Variants in MACROD2 observed in about 807,000 individuals in gnomAD.
MACROD2 encodes mono-ADP ribosylhydrolase 2, also known as ADP-ribose glycohydrolase MACROD2.
Under a neutral mutation model 70.4 loss-of-function variants are expected in MACROD2, and 36 were observed. The ratio of observed to expected loss-of-function variants is 0.51; its 90% CI spans 0.39 to 0.68. The LOEUF (loss-of-function observed/expected upper bound fraction) is 0.68, where lower values mean the gene tolerates loss of function less well. Ranked by LOEUF, MACROD2 falls within the 30% of genes least tolerant of loss-of-function variation. The pLI is 0.00. For synonymous variants in MACROD2, 172 were observed against 178.8 expected (o/e 0.96, Z 0.30); for missense variants, 496 against 538.4 (o/e 0.92, Z 0.78).
At chr20:14,407,476 A>G (rs1293949954) in intron 3 of MACROD2, among the ~76,000 whole-genome samples, 1 of 152,034 alleles carries the variant, frequency 6.6e-6, no homozygotes. Flanking sequence ...GTGTGGTCTG[A>G]CTGCTAACAT....
intron 5 of MACROD2, among the ~76,000 whole-genome samples, chr20:14,926,425 C>T (rs1333478189): frequency 6.6e-6 from 1 of 151,880 alleles, no homozygotes; most frequent in Non-Finnish European, 1.5e-5. Context: ...TGGTGCGTGC[C>T]TGTAGTCCCA....
Position 15,933,291 on chromosome 20 carries a change from A to C in MACROD2, c.791A>C (p.Glu264Ala), listed in dbSNP as rs771091108. 3.1e-6 allele frequency: 5 copies of C among 1,613,390 alleles called. No individual in the cohort carries two copies. In the South Asian group the frequency reaches 5.5e-5, roughly 18 times the overall value. ...MKEDSDENGPEEKQSVEEMEE... is the reference protein window; with the variant it reads ...MKEDSDENGPAEKQSVEEMEE... ...TTCTTGAAAGATGAGAACGGTCCAGAGGAGAAGCAAAGTGTGGAAGAAATG... is the reference window on the plus strand; with the variant it reads ...TTCTTGAAAGATGAGAACGGTCCAGCGGAGAAGCAAAGTGTGGAAGAAATG... Residue 264 changes from glutamate (E) to alanine (A), a missense_variant, in exon 11 of 18, where the codon GAG becomes GCG. By Grantham distance (107) the Glu-to-Ala change is moderately radical (BLOSUM62 -1). Transcript: ENST00000684519.
intron 5 of MACROD2, among the ~76,000 whole-genome samples, chr20:14,837,962 AAACAAAAC>A (rs953304691): frequency 2.0e-5 from 3 of 151,806 alleles, no homozygotes; most frequent in African/African-American, 7.3e-5. Flanking sequence ...AAACAAAACA[AAACAAAAC>A]AAACACATGG....
At chr20:15,164,098 C>G (rs936065166) in intron 5 of MACROD2, among the ~76,000 whole-genome samples, 1 of 152,094 alleles carries the variant, frequency 6.6e-6, no homozygotes, top group Admixed American at 6.6e-5. Flanking sequence ...AAATTTAATA[C>G]TCAAAGGACA....
chr20:15,830,253 C>T (rs1215348494), intron 8 of MACROD2, among the ~76,000 whole-genome samples: 3 of 152,150 alleles, frequency 2.0e-5, no homozygotes, highest in Non-Finnish European at 2.9e-5. Flanking sequence ...GGAAATAGAG[C>T]AAGAAGAGGC....
chr20:14,326,773 G>A lies in MACROD2; in HGVS notation c.272-166706G>A. 6.2e-7 allele frequency: 1 copy of A among 1,613,776 alleles called. No homozygotes were observed. Among genetic ancestry groups the A allele is most frequent in the Non-Finnish European group, 8.5e-7 (1 of 1,179,802 alleles). On this transcript the variant is annotated intron_variant, in intron 3 of 17. Transcript: ENST00000684519. This position sits in a 1 kb window ranked among gnomAD's most constrained non-coding sequence, Gnocchi z 5.5. ...ATAAAGCTTCCTCAGGTTTGTGCCT[G>A]GAAGGTTTACTGGTGCAGCAGTCAG...
chr20:14,089,036 A>G (rs1283689875), intron 3 of MACROD2, among the ~76,000 whole-genome samples: 1 of 152,224 alleles, frequency 6.6e-6, no homozygotes, highest in East Asian at 1.9e-4. Context: ...GCCTAAATGT[A>G]TAATTTTTCA....
chr20:14,571,846 G>A (rs1483870939), intron 4 of MACROD2, among the ~76,000 whole-genome samples: 1 of 152,066 alleles, frequency 6.6e-6, no homozygotes, highest in Admixed American at 6.6e-5. Context: ...CAATCTCTTA[G>A]AAACTTAGCT....
At chr20:16,017,595 C>A (rs985631538) in intron 15 of MACROD2, among the ~76,000 whole-genome samples, 13 of 152,238 alleles carry the variant, frequency 8.5e-5, no homozygotes, top group African/African-American at 2.9e-4. Context: ...TCTCCACTCT[C>A]CAATCACAAT....
chr20:16,003,959 G>A (rs953821640), intron 15 of MACROD2, among the ~76,000 whole-genome samples: 4 of 152,266 alleles, frequency 2.6e-5, no homozygotes, highest in East Asian at 1.9e-4. Flanking sequence ...TTGAGCCACC[G>A]TGCCCGGCCA....
At chr20:15,161,455 C>T (rs1207034834) in intron 5 of MACROD2, among the ~76,000 whole-genome samples, 1 of 151,280 alleles carries the variant, frequency 6.6e-6, no homozygotes, top group Non-Finnish European at 1.5e-5. Context: ...ACTATTAACT[C>T]TAGTTAAAAT....
At chr20:14,286,723 G>A (rs1457539309) in intron 3 of MACROD2, among the ~76,000 whole-genome samples, 1 of 151,940 alleles carries the variant, frequency 6.6e-6, no homozygotes, top group Non-Finnish European at 1.5e-5. Context: ...AATAGCTCAG[G>A]TTTTGTATGG....
At chr20:14,688,191 C>T (rs2071024224) in intron 5 of MACROD2, among the ~76,000 whole-genome samples, 1 of 152,118 alleles carries the variant, frequency 6.6e-6, no homozygotes, top group Non-Finnish European at 1.5e-5. Flanking sequence ...TCCTCTGAGA[C>T]AGCGGGTTTA....
Position 14,793,671 on chromosome 20 carries a change from C to T in MACROD2, c.418+108712C>T, listed in dbSNP as rs529471999. ...ACAAATTAAAAGACATTCGCGTTATCAGATTCCAAAAGCTCGAAGAAAAGA... is the reference window on the plus strand; with the variant it reads ...ACAAATTAAAAGACATTCGCGTTATTAGATTCCAAAAGCTCGAAGAAAAGA... On this transcript the variant is annotated intron_variant, in intron 5 of 17. Transcript: ENST00000684519. Among the ~76,000 whole-genome samples, 5 of 152,130 alleles carry T rather than the reference C, an allele frequency of 3.3e-5. No homozygotes were observed. The South Asian group carries it at 1.0e-3, about 32-fold the overall frequency.
intron 3 of MACROD2, among the ~76,000 whole-genome samples, chr20:14,120,307 C>A (rs1440711099): frequency 6.7e-6 from 1 of 148,980 alleles, no homozygotes; most frequent in African/African-American, 2.5e-5. Context: ...AAATGCACAA[C>A]AAAACCACAC....
intron 5 of MACROD2, among the ~76,000 whole-genome samples, chr20:15,165,718 A>G (rs1833098853): frequency 6.6e-6 from 1 of 152,236 alleles, no homozygotes; most frequent in African/African-American, 2.4e-5. Context: ...CACGTTTCCA[A>G]ACTTATGTTA....
Position 14,963,215 on chromosome 20 carries a change from C to T in MACROD2, c.419-266725C>T, listed in dbSNP as rs192934023. Among the ~76,000 whole-genome samples, 20 of 152,098 alleles carry T rather than the reference C, an allele frequency of 1.3e-4. 1 individual carries two copies. The East Asian group carries it at 3.9e-3, about 29-fold the overall frequency. ...GAGTACCGTAGTAGTACAGCAGCAT[C>T]CAAGTTTAAATTTGAGGGTGGGTGT... On this transcript the variant is annotated intron_variant, in intron 5 of 17. Coordinates refer to ENST00000684519, the MANE Select transcript of MACROD2 (RefSeq NM_001351661.2).
intron 3 of MACROD2, among the ~76,000 whole-genome samples, chr20:14,196,337 T>C (rs922733208): frequency 6.6e-6 from 1 of 152,272 alleles, no homozygotes; most frequent in Non-Finnish European, 1.5e-5. Flanking sequence ...TATCACAGTG[T>C]ACTGACATGA....
intron 5 of MACROD2, among the ~76,000 whole-genome samples, chr20:14,702,685 G>A (rs866680496): frequency 4.6e-5 from 6 of 131,812 alleles, no homozygotes; most frequent in African/African-American, 8.4e-5. Flanking sequence ...ACACATATAT[G>A]TGTATATATA....
Sources: gnomAD v4.1 joint callset for allele counts (sites outside exome capture counted in the v4.1 genomes callset) on GRCh38, gnomAD v4.1.1 for gene constraint, Gnocchi (gnomAD v3.1) non-coding constraint, MANE v1.5 for transcripts, NCBI Gene and HGNC (gene_info 2026-07-23, HGNC 2026-07-21) for gene names.